Variants in NFIB observed in about 807,000 individuals in gnomAD.
NFIB encodes nuclear factor 1 B-type.
Under a neutral mutation model 61.5 loss-of-function variants are expected in NFIB, and 11 were observed. The ratio of observed to expected loss-of-function variants is 0.18; its 90% CI spans 0.11 to 0.30. The LOEUF is 0.30. NFIB is among the 10% of genes least tolerant of loss of function. The pLI is 1.00. For synonymous variants in NFIB, 260 were observed against 216.5 expected, an observed-to-expected ratio of 1.20 and a Z score of -1.76; for missense variants, 471 against 608.9, an observed-to-expected ratio of 0.77 and a Z score of 2.38.
chr9:14,522,635 G>C, the NFIB span, among the ~76,000 whole-genome samples: 1 of 152,168 alleles, frequency 6.6e-6, no homozygotes, highest in Non-Finnish European at 1.5e-5. Context: ...TGGAATTCTG[G>C]AAAATCACAA....
At position 14,137,902 on chromosome 9, in the gene NFIB, G is replaced by A. The variant is rs146683761; in HGVS notation, c.925+8787C>T. On this transcript the variant is annotated intron_variant, in intron 6 of 10. Coordinates refer to ENST00000380953, the MANE Select transcript of NFIB (RefSeq NM_001190737.2). ...ATGCATGAATCTCTAAGGAGTCTAC[G>A]AACCCCTGTGAAGTTATGTGCATTC... is the stretch of plus-strand genomic sequence containing the variant. Among the ~76,000 whole-genome samples, 313 of 152,042 alleles carry A rather than the reference G, an allele frequency of 2.1e-3. 4 individuals are homozygous for A. Among genetic ancestry groups the A allele is most frequent in the East Asian group, 0.018 (92 of 5,182 alleles).
chr9:14,472,828 G>A, the NFIB span, among the ~76,000 whole-genome samples: 1 of 151,848 alleles, frequency 6.6e-6, no homozygotes, highest in Non-Finnish European at 1.5e-5. Context: ...GCGACAGAGC[G>A]AGACTCCGTC....
chr9:14,195,280 G>A (rs1484502021), intron 2 of NFIB, among the ~76,000 whole-genome samples: 1 of 152,180 alleles, frequency 6.6e-6, no homozygotes, highest in East Asian at 1.9e-4. Context: ...GCAAAGCTCT[G>A]TCACTACCTA....
At chr9:14,372,464 G>C (rs549470599) in intron 1 of NFIB, among the ~76,000 whole-genome samples, 13 of 152,174 alleles carry the variant, frequency 8.5e-5, no homozygotes, top group African/African-American at 2.4e-5. Flanking sequence ...TTCTTATCAA[G>C]CTTTTCAATT....
At chr9:14,476,728 G>A in the NFIB span, among the ~76,000 whole-genome samples, 2 of 152,296 alleles carry the variant, frequency 1.3e-5, no homozygotes, top group South Asian at 4.1e-4. Flanking sequence ...CCAAAAGACA[G>A]CAAGAAAACC....
intron 10 of NFIB, chr9:14,093,324 G>A (rs2034253776): frequency 6.6e-6 from 1 of 151,988 alleles, no homozygotes; most frequent in African/African-American, 2.4e-5. Context: ...CAATAGTATT[G>A]TCCATTTAGA....
chr9:14,355,322 C>T (rs2061163163), intron 1 of NFIB, among the ~76,000 whole-genome samples: 1 of 152,146 alleles, frequency 6.6e-6, no homozygotes, highest in African/African-American at 2.4e-5. Context: ...AGTAGGTAGC[C>T]ATCTACAAAG....
chr9:14,414,859 T>G, the NFIB span, among the ~76,000 whole-genome samples: 3 of 152,218 alleles, frequency 2.0e-5, no homozygotes, highest in Non-Finnish European at 4.4e-5. Flanking sequence ...TTTGGAGGCC[T>G]TCTCTCAAAA....
At chr9:14,506,444 T>C in the NFIB span, among the ~76,000 whole-genome samples, 1 of 152,210 alleles carries the variant, frequency 6.6e-6, no homozygotes, top group African/African-American at 2.4e-5. Flanking sequence ...GAGGTTTCAC[T>C]GTCCTGTTTC....
intron 2 of NFIB, among the ~76,000 whole-genome samples, chr9:14,247,867 T>C (rs2055107270): frequency 6.6e-6 from 1 of 152,116 alleles, no homozygotes; most frequent in Non-Finnish European, 1.5e-5. Flanking sequence ...TTTTAAAATC[T>C]ACAGTAGATA....
chr9:14,390,896 G>T (rs2061611645), intron 1 of NFIB, among the ~76,000 whole-genome samples: 2 of 152,186 alleles, frequency 1.3e-5, no homozygotes, highest in Admixed American at 6.5e-5. Context: ...TTCTATTACA[G>T]TAGCCTAAAC....
At chr9:14,530,753 G>A in the NFIB span, among the ~76,000 whole-genome samples, 1 of 152,250 alleles carries the variant, frequency 6.6e-6, no homozygotes, top group South Asian at 2.1e-4. Flanking sequence ...CTGACCACCA[G>A]GGCTGGCCAT....
chr9:14,138,892 ATG>A (rs36000888), intron 6 of NFIB, among the ~76,000 whole-genome samples: 30,559 of 148,938 alleles, frequency 0.21, 3,346 homozygotes, highest in African/African-American at 0.29. Context: ...TAGTTGATTT[ATG>A]TGTGTGTGTG....
intron 1 of NFIB, among the ~76,000 whole-genome samples, chr9:14,396,386 C>T (rs947859688): frequency 6.6e-6 from 1 of 152,076 alleles, no homozygotes; most frequent in African/African-American, 2.4e-5. Context: ...CGCCTCTGTG[C>T]CACTCATTGT....
chr9:14,258,885 C>T (rs185339665), intron 2 of NFIB, among the ~76,000 whole-genome samples: 121 of 152,296 alleles, frequency 7.9e-4, no homozygotes, highest in African/African-American at 2.8e-3. Flanking sequence ...GACTAACAAA[C>T]ACACAGTCCA....
chr9:14,354,780 C>G (rs1027764491), intron 1 of NFIB, among the ~76,000 whole-genome samples: 4 of 145,880 alleles, frequency 2.7e-5, no homozygotes, highest in South Asian at 2.2e-4. Context: ...AATGGGTACT[C>G]TGTGTGTGTG....
At chr9:14,261,022 A>G (rs773274528) in intron 2 of NFIB, among the ~76,000 whole-genome samples, 1 of 152,238 alleles carries the variant, frequency 6.6e-6, no homozygotes, top group Non-Finnish European at 1.5e-5. Context: ...AACAGCATTT[A>G]AGACTGAAAA....
intron 2 of NFIB, among the ~76,000 whole-genome samples, chr9:14,231,383 G>A (rs967475690): frequency 2.0e-5 from 3 of 151,714 alleles, no homozygotes; most frequent in African/African-American, 7.3e-5. Flanking sequence ...AAAGAATGGA[G>A]GATTACACAC....
the NFIB span, among the ~76,000 whole-genome samples, chr9:14,476,480 T>G: frequency 2.0e-5 from 3 of 152,196 alleles, no homozygotes; most frequent in African/African-American, 7.2e-5. Context: ...CTCTCATGCT[T>G]TCCATTAATA....
Sources: gnomAD v4.1 joint callset for allele counts (sites outside exome capture counted in the v4.1 genomes callset) on GRCh38, gnomAD v4.1.1 for gene constraint, MANE v1.5 for transcripts, NCBI Gene and HGNC (gene_info 2026-07-23, HGNC 2026-07-21) for gene names.